The following FBLN2 variants were observed in gnomAD, a reference collection of about 807,000 sequenced individuals.
FBLN2 encodes fibulin-2.
In FBLN2, 81 loss-of-function variants were observed where a neutral mutation model predicts 123.7. The ratio of observed to expected loss-of-function variants is 0.65; its 90% CI spans 0.55 to 0.79. The LOEUF (loss-of-function observed/expected upper bound fraction) is 0.79, where lower values mean the gene tolerates loss of function less well. Among genes scored for constraint, FBLN2 ranks in the 30% least tolerant of loss-of-function variants. FBLN2 has a pLI of 0.00. For synonymous variants in FBLN2, 699 were observed against 701.4 expected (o/e 1.00, Z 0.05); for missense variants, 1,603 against 1,681.3 (o/e 0.95, Z 0.81).
intron 6 of FBLN2, 115 bp from the exon 7 acceptor site, chr3:13,618,789 T>G: frequency 1.4e-6 from 1 of 692,752 alleles, no homozygotes; most frequent in Admixed American, 2.6e-5. Context: ...TGAAATGGGG[T>G]GGGGGATTAA....
intron 2 of FBLN2, among the ~76,000 whole-genome samples, chr3:13,572,948 G>T (rs1360000369): frequency 6.6e-6 from 1 of 152,156 alleles, no homozygotes; most frequent in Non-Finnish European, 1.5e-5. Context: ...CCCCACGCAG[G>T]TTTGAAACCC....
At chr3:13,586,168 T>G (rs993766235) in intron 2 of FBLN2, among the ~76,000 whole-genome samples, 1 of 152,146 alleles carries the variant, frequency 6.6e-6, no homozygotes, top group African/African-American at 2.4e-5. Flanking sequence ...TGTGTGTTTA[T>G]GTCTTAGTTT....
intron 1 of FBLN2, among the ~76,000 whole-genome samples, chr3:13,557,862 A>C (rs1703503311): frequency 6.6e-6 from 1 of 152,262 alleles, no homozygotes; most frequent in African/African-American, 2.4e-5. Flanking sequence ...GCCTAGTGGC[A>C]GGGCTAGGTT....
chr3:13,620,916 C>T (rs73150625), intron 8 of FBLN2, among the ~76,000 whole-genome samples: 4,408 of 152,284 alleles, frequency 0.029, 221 homozygotes, highest in African/African-American at 0.1. Context: ...TGGCAGTGAC[C>T]GGCAGGCCTT....
At chr3:13,597,809 C>G (rs145405250) in intron 2 of FBLN2, among the ~76,000 whole-genome samples, 1 of 152,240 alleles carries the variant, frequency 6.6e-6, no homozygotes, top group African/African-American at 2.4e-5. Context: ...TGTGCTCACC[C>G]TGCTGCCAGG....
At chr3:13,622,860 C>A (rs539469207) in intron 9 of FBLN2, among the ~76,000 whole-genome samples, 2 of 152,212 alleles carry the variant, frequency 1.3e-5, no homozygotes, top group Non-Finnish European at 2.9e-5. Flanking sequence ...CAGAGACACG[C>A]GCAGAGGGCG....
At chr3:13,551,071 G>A (rs951838315) in intron 1 of FBLN2, among the ~76,000 whole-genome samples, 1 of 152,164 alleles carries the variant, frequency 6.6e-6, no homozygotes, top group East Asian at 1.9e-4. Context: ...TTTGGTCCCC[G>A]TCCCCACCTG....
chr3:13,631,287 G>T (rs992845410), intron 15 of FBLN2, 42 bp from the exon 16 acceptor site: 7 of 1,585,384 alleles, frequency 4.4e-6, no homozygotes, highest in Non-Finnish European at 6.0e-6. Context: ...TGGGCTCTGT[G>T]GGTGGACGAG....
At chr3:13,631,098 C>T (rs1706239129) in intron 15 of FBLN2, among the ~76,000 whole-genome samples, 1 of 152,192 alleles carries the variant, frequency 6.6e-6, no homozygotes, top group South Asian at 2.1e-4. Flanking sequence ...CTGATTGTCC[C>T]CTCAGCTGGT....
chr3:13,602,396 C>T (rs1705061985), intron 2 of FBLN2, among the ~76,000 whole-genome samples: 1 of 152,100 alleles, frequency 6.6e-6, no homozygotes, highest in African/African-American at 2.4e-5. Flanking sequence ...CAGAAATGTT[C>T]TCGGGTATTC....
chr3:13,583,530 C>G (rs1273409821), intron 2 of FBLN2, among the ~76,000 whole-genome samples: 1 of 152,238 alleles, frequency 6.6e-6, no homozygotes, highest in Non-Finnish European at 1.5e-5. Flanking sequence ...GGCTTCAGGA[C>G]TGTCTGGATG....
intron 2 of FBLN2, among the ~76,000 whole-genome samples, chr3:13,585,716 A>T (rs1490147566): frequency 6.6e-6 from 1 of 152,134 alleles, no homozygotes; most frequent in Non-Finnish European, 1.5e-5. Context: ...GCTTGAACCC[A>T]GGAGGCGGAG....
chr3:13,617,742 C>A (rs377652867), intron 5 of FBLN2, among the ~76,000 whole-genome samples: 1,124 of 88,878 alleles, frequency 0.013, 55 homozygotes, highest in African/African-American at 0.049. Flanking sequence ...CCCCCCACCC[C>A]CCCACCCATT....
chr3:13,602,733 T>G (rs1705074014), intron 2 of FBLN2, among the ~76,000 whole-genome samples: 1 of 152,100 alleles, frequency 6.6e-6, no homozygotes, highest in Non-Finnish European at 1.5e-5. Context: ...CTAATTTGAG[T>G]GTGTTGTTTT....
At chr3:13,611,990 TC>T (rs1471548273) in intron 4 of FBLN2, among the ~76,000 whole-genome samples, 1 of 152,172 alleles carries the variant, frequency 6.6e-6, no homozygotes, top group Non-Finnish European at 1.5e-5. Flanking sequence ...CAGGAAACCT[TC>T]CAGAAGGGAC....
intron 15 of FBLN2, among the ~76,000 whole-genome samples, chr3:13,631,075 C>G (rs1706238463): frequency 6.6e-6 from 1 of 152,184 alleles, no homozygotes; most frequent in African/African-American, 2.4e-5. Context: ...ACATAGGTGC[C>G]CATGACTGGC....
chr3:13,577,809 C>G (rs1349422037), intron 2 of FBLN2, among the ~76,000 whole-genome samples: 1 of 152,212 alleles, frequency 6.6e-6, no homozygotes, highest in Non-Finnish European at 1.5e-5. Flanking sequence ...CTCATTGCCA[C>G]CAGCCCGGGG....
chr3:13,611,813 C>A (rs1437489971), intron 4 of FBLN2, among the ~76,000 whole-genome samples: 1 of 152,222 alleles, frequency 6.6e-6, no homozygotes, highest in Non-Finnish European at 1.5e-5. Flanking sequence ...GCTGGAGCTT[C>A]ATCTCCTGGC....
At chr3:13,624,284 C>T (rs967382115) in intron 9 of FBLN2, among the ~76,000 whole-genome samples, 11 of 152,304 alleles carry the variant, frequency 7.2e-5, no homozygotes, top group African/African-American at 2.2e-4. Flanking sequence ...GCTTGCAGAA[C>T]GATGTCCTCT....
Sources: allele counts gnomAD v4.1 joint callset (sites outside exome capture counted in the v4.1 genomes callset), GRCh38; gene constraint gnomAD v4.1.1; transcripts MANE v1.5; gene names NCBI Gene and HGNC (gene_info 2026-07-23, HGNC 2026-07-21).